Variants in AGBL4 observed in about 807,000 individuals in gnomAD.
AGBL4 encodes cytosolic carboxypeptidase 6.
In AGBL4, 58 loss-of-function variants were observed where a neutral mutation model predicts 66.4. The observed-to-expected ratio is 0.87, with a 90% CI of 0.71 to 1.09. The LOEUF is 1.09. AGBL4 is among the 50% of genes least tolerant of loss of function. The pLI is 0.00. For synonymous variants in AGBL4, 234 were observed against 222.9 expected (o/e 1.05, Z -0.44); for missense variants, 579 against 631.0 (o/e 0.92, Z 0.88).
At chr1:48,758,558 TA>T (rs1246701209) in intron 6 of AGBL4, among the ~76,000 whole-genome samples, 1 of 152,252 alleles carries the variant, frequency 6.6e-6, no homozygotes, top group Non-Finnish European at 1.5e-5. Flanking sequence ...TTCTTTTTAC[TA>T]TCCTGAAACC....
intron 4 of AGBL4, among the ~76,000 whole-genome samples, chr1:49,161,097 A>G (rs1175716639): frequency 6.6e-6 from 1 of 151,896 alleles, no homozygotes; most frequent in Non-Finnish European, 1.5e-5. Context: ...CCAGTAGGGT[A>G]TGAAAAAAAA....
At chr1:49,503,222 T>G in intron 3 of AGBL4, among the ~76,000 whole-genome samples, 1 of 152,154 alleles carries the variant, frequency 6.6e-6, no homozygotes, top group Non-Finnish European at 1.5e-5. Context: ...CCTTAGTAAC[T>G]TCCATGTGGT....
At chr1:49,717,351 C>T (rs1648230897) in intron 2 of AGBL4, among the ~76,000 whole-genome samples, 1 of 152,018 alleles carries the variant, frequency 6.6e-6, no homozygotes, top group African/African-American at 2.4e-5. Context: ...GCCATTCTGG[C>T]TTTTGTGAGA....
chr1:49,448,666 A>G (rs145857309), intron 3 of AGBL4, among the ~76,000 whole-genome samples: 81 of 152,324 alleles, frequency 5.3e-4, no homozygotes, highest in African/African-American at 1.9e-3. Context: ...GTAAGAAGAT[A>G]TTACCAGAAG....
chr1:49,619,784 T>C (rs1043141927), intron 3 of AGBL4, among the ~76,000 whole-genome samples: 3 of 152,056 alleles, frequency 2.0e-5, no homozygotes. Context: ...TATAGATCAA[T>C]GGAACAGAAC....
intron 5 of AGBL4, among the ~76,000 whole-genome samples, chr1:49,009,156 G>A (rs1278456800): frequency 1.3e-5 from 2 of 151,970 alleles, no homozygotes; most frequent in East Asian, 3.9e-4. Flanking sequence ...AAAAAAGAGA[G>A]AAGAATCAAA....
At chr1:49,841,658 G>A (rs969581897) in intron 2 of AGBL4, among the ~76,000 whole-genome samples, 1 of 152,060 alleles carries the variant, frequency 6.6e-6, no homozygotes, top group Non-Finnish European at 1.5e-5. Context: ...GAGATCAATG[G>A]AACAGAATAG....
intron 5 of AGBL4, among the ~76,000 whole-genome samples, chr1:48,949,071 C>T (rs1034823967): frequency 1.8e-4 from 28 of 152,168 alleles, no homozygotes; most frequent in African/African-American, 5.8e-4. Context: ...CATCTGGAAA[C>T]TGAGTACAAG....
intron 3 of AGBL4, among the ~76,000 whole-genome samples, chr1:49,353,141 T>C (rs1382711157): frequency 6.6e-6 from 1 of 152,218 alleles, no homozygotes; most frequent in Non-Finnish European, 1.5e-5. Context: ...ACCTTTGACC[T>C]GTAAGGTCTG....
chr1:49,043,778 C>A (rs1231277011), intron 5 of AGBL4, among the ~76,000 whole-genome samples: 1 of 152,178 alleles, frequency 6.6e-6, no homozygotes, highest in East Asian at 1.9e-4. Flanking sequence ...ATAGTGCACA[C>A]AGAATCTCAG....
chr1:49,124,491 G>A (rs1367997948), intron 4 of AGBL4, among the ~76,000 whole-genome samples: 6 of 152,196 alleles, frequency 3.9e-5, no homozygotes, highest in Non-Finnish European at 7.3e-5. Flanking sequence ...CCTGACCGTA[G>A]CACTGCTTTA....
At chr1:48,676,728 G>A (rs549484232) in intron 6 of AGBL4, among the ~76,000 whole-genome samples, 1 of 152,224 alleles carries the variant, frequency 6.6e-6, no homozygotes, top group Admixed American at 6.5e-5. Flanking sequence ...AGGTATGTGA[G>A]GCTAATACAC....
chr1:49,226,619 C>T (rs114745201), intron 4 of AGBL4, among the ~76,000 whole-genome samples: 51 of 152,264 alleles, frequency 3.3e-4, no homozygotes, highest in African/African-American at 1.2e-3. Context: ...CTCAAACCTG[C>T]TTGTCCTTCA....
chr1:49,117,283 A>G (rs991215583), intron 4 of AGBL4, among the ~76,000 whole-genome samples: 1 of 152,182 alleles, frequency 6.6e-6, no homozygotes, highest in Non-Finnish European at 1.5e-5. Flanking sequence ...TTTAGTCATG[A>G]AGACCTTGCC....
chr1:49,549,953 T>C (rs540635135), intron 3 of AGBL4, among the ~76,000 whole-genome samples: 79 of 152,270 alleles, frequency 5.2e-4, no homozygotes, highest in Middle Eastern at 3.4e-3. Flanking sequence ...TTTTATAAAT[T>C]TGGGAGCTCC....
intron 5 of AGBL4, among the ~76,000 whole-genome samples, chr1:49,030,370 T>G (rs567785497): frequency 1.3e-5 from 2 of 152,292 alleles, no homozygotes; most frequent in South Asian, 4.1e-4. Flanking sequence ...ACACTGGATC[T>G]GCCAGCAACT....
rs1316446085 is a variant in AGBL4 at position 49,538,485 on chromosome 1, A to C, written c.282+158828T>G. The stretch of plus-strand genomic sequence containing the variant: ...AAAAGCCAAGACTTTATCACTATGC[A>C]ATATATCCGTGTAACAAAATACAAT... On this transcript the variant is annotated intron_variant, in intron 3 of 13. Transcript: ENST00000371839. 2.6e-5 allele frequency among the ~76,000 whole-genome samples: 4 copies of C among 152,230 alleles called. No homozygotes were observed. In the East Asian group the frequency reaches 7.7e-4, roughly 29 times the overall value.
intron 3 of AGBL4, among the ~76,000 whole-genome samples, chr1:49,650,345 TGA>T (rs2124443721): frequency 6.6e-6 from 1 of 152,276 alleles, no homozygotes; most frequent in African/African-American, 2.4e-5. Context: ...AAAGGGTAAG[TGA>T]GAGTGTTTCT....
At chr1:49,818,796 A>G (rs1470665883) in intron 2 of AGBL4, among the ~76,000 whole-genome samples, 1 of 152,228 alleles carries the variant, frequency 6.6e-6, no homozygotes, top group Admixed American at 6.5e-5. Context: ...GCCCAGATGT[A>G]AGAGCGTGGA....
Sources: allele counts gnomAD v4.1 joint callset (sites outside exome capture counted in the v4.1 genomes callset), GRCh38; gene constraint gnomAD v4.1.1; transcripts MANE v1.5; gene names NCBI Gene and HGNC (gene_info 2026-07-23, HGNC 2026-07-21).